KIF13B: variants seen among roughly 807,000 people sequenced by gnomAD.
The protein encoded by KIF13B is kinesin family member 13B.
KIF13B carries 127 observed loss-of-function variants against 222.0 expected under a neutral mutation model. That is an observed-to-expected ratio of 0.57 (90% CI 0.50 to 0.66). KIF13B has a LOEUF of 0.66. KIF13B is among the 30% of genes least tolerant of loss of function. The probability of loss-of-function intolerance (pLI) is 0.00; values close to 1 mark genes in which losing one functional copy is unlikely to be tolerated. For synonymous variants in KIF13B, 976 were observed against 919.0 expected (o/e 1.06, Z -1.12); for missense variants, 2,173 against 2,379.0 (o/e 0.91, Z 1.80).
chr8:29,073,269 C>T (rs1188954569), intron 38 of KIF13B, among the ~76,000 whole-genome samples: 2 of 152,096 alleles, frequency 1.3e-5, no homozygotes, highest in Non-Finnish European at 2.9e-5. Flanking sequence ...GGGGGGGCCT[C>T]GGACCCTGGA....
chr8:29,258,898 G>C (rs1437701034), intron 1 of KIF13B, among the ~76,000 whole-genome samples: 1 of 152,080 alleles, frequency 6.6e-6, no homozygotes, highest in Non-Finnish European at 1.5e-5. Context: ...TTTCCTCACA[G>C]GCATGAACCA....
At chr8:29,082,239 A>T (rs1807845529) in intron 37 of KIF13B, among the ~76,000 whole-genome samples, 1 of 152,046 alleles carries the variant, frequency 6.6e-6, no homozygotes, top group Non-Finnish European at 1.5e-5. Context: ...TTTCCTATCA[A>T]CAAGTAAATT....
At chr8:29,184,939 CTCTTTGTTTTGGAACATTTTTTATTTT>C (rs1812866260) in intron 6 of KIF13B, among the ~76,000 whole-genome samples, 1 of 151,966 alleles carries the variant, frequency 6.6e-6, no homozygotes, top group African/African-American at 2.4e-5. Context: ...ACTCTCTAGC[CTCTTTGTTTTGGAACATTTTTTATTTT>C]TAATTTCTTT....
Position 29,176,160 on chromosome 8 carries a change from G to C in KIF13B, c.853C>G (p.Leu285Val), listed in dbSNP as rs1487684645. 6.2e-7 allele frequency: 1 copy of C among 1,612,636 alleles called. No individual in the cohort carries two copies. Among genetic ancestry groups the C allele is most frequent in the African/African-American group, 1.3e-5 (1 of 74,868 alleles). Residue 285 changes from leucine to valine, a missense_variant, in exon 10 of 40, where the codon CTG becomes GTG. Coordinates refer to ENST00000524189, the MANE Select transcript of KIF13B (RefSeq NM_015254.4). ...NINKSLTTLG[L>V]VISALADQSA... ...TGATCTGCAAGAGCTGAGATAACCAGACCGAGGGTTGTGAGGGACCTGCAT... is the reference window on the plus strand; with the variant it reads ...TGATCTGCAAGAGCTGAGATAACCACACCGAGGGTTGTGAGGGACCTGCAT...
At chr8:29,217,498 T>C (rs1242561072) in intron 2 of KIF13B, among the ~76,000 whole-genome samples, 2 of 152,192 alleles carry the variant, frequency 1.3e-5, no homozygotes, top group Non-Finnish European at 2.9e-5. Context: ...GCTATGAAGA[T>C]TAGAACAGTG....
chr8:29,173,585 G>A (rs1045508974), intron 10 of KIF13B, among the ~76,000 whole-genome samples: 1 of 151,696 alleles, frequency 6.6e-6, no homozygotes, highest in Non-Finnish European at 1.5e-5. Flanking sequence ...CTGCACGACT[G>A]CACTCTAGCC....
rs545634241 is a variant in KIF13B, at chr8:29,154,010, A to G, written c.1535+1716T>C. 1.6e-3 allele frequency among the ~76,000 whole-genome samples: 250 copies of G among 152,348 alleles called. 2 individuals carry two copies. The highest frequency in any genetic ancestry group is 5.7e-3 in the African/African-American group (239 of 41,588). On this transcript the variant is annotated intron_variant, in intron 14 of 39. Transcript: ENST00000524189. ...TCTTTCATGATGCAGGTTTTTACAC[A>G]CTAAAAGTAACTGGATCTTGGCGAG...
chr8:29,236,858 G>A (rs1467045187), intron 2 of KIF13B, among the ~76,000 whole-genome samples: 1 of 152,086 alleles, frequency 6.6e-6, no homozygotes, highest in East Asian at 1.9e-4. Context: ...TCAAATTTGA[G>A]TGTGCAAAAT....
chr8:29,141,459 C>T (rs1810814869), intron 19 of KIF13B, among the ~76,000 whole-genome samples: 1 of 152,066 alleles, frequency 6.6e-6, no homozygotes, highest in African/African-American at 2.4e-5. Flanking sequence ...AAAACATCAC[C>T]TAACTATAAG....
chr8:29,219,657 G>A (rs946448907), intron 2 of KIF13B, among the ~76,000 whole-genome samples: 3 of 152,024 alleles, frequency 2.0e-5, no homozygotes, highest in South Asian at 4.2e-4. Context: ...GGAGGCTGCG[G>A]TGAGAAAATC....
At chr8:29,089,022 T>TA (rs1222000669) in intron 37 of KIF13B, among the ~76,000 whole-genome samples, 1 of 152,182 alleles carries the variant, frequency 6.6e-6, no homozygotes, top group African/African-American at 2.4e-5. Context: ...TCCACCAACC[T>TA]AGGAAAAGAA....
At chr8:29,212,310 C>T (rs752989489) in intron 2 of KIF13B, among the ~76,000 whole-genome samples, 4 of 152,124 alleles carry the variant, frequency 2.6e-5, no homozygotes, top group Non-Finnish European at 4.4e-5. Context: ...TTTACATTCC[C>T]GTCAGCAAGA....
intron 2 of KIF13B, among the ~76,000 whole-genome samples, chr8:29,228,490 T>TATATATATATATATATA (rs1563808304): frequency 7.2e-6 from 1 of 139,190 alleles, no homozygotes; most frequent in Non-Finnish European, 1.6e-5. Context: ...TATATATATA[T>TATATATATATATATATA]GAGATACAGG....
At chr8:29,259,370 T>C (rs1464646000) in intron 1 of KIF13B, among the ~76,000 whole-genome samples, 3 of 152,252 alleles carry the variant, frequency 2.0e-5, no homozygotes, top group Admixed American at 2.0e-4. Context: ...TCTATTTCAC[T>C]GTTTCTATCT....
chr8:29,261,136 A>C (rs17059862), intron 1 of KIF13B, among the ~76,000 whole-genome samples: 12 of 152,144 alleles, frequency 7.9e-5, no homozygotes, highest in Admixed American at 7.9e-4. Flanking sequence ...CTAAGTGAAC[A>C]CAGGAGGTAC....
chr8:29,224,422 G>T (rs748713317), intron 2 of KIF13B, among the ~76,000 whole-genome samples: 1 of 152,146 alleles, frequency 6.6e-6, no homozygotes, highest in Non-Finnish European at 1.5e-5. Flanking sequence ...AACTAACAAG[G>T]TCTAGCATTG....
At chr8:29,098,108 T>C (rs1174308201) in intron 36 of KIF13B, among the ~76,000 whole-genome samples, 2 of 140,942 alleles carry the variant, frequency 1.4e-5, no homozygotes, top group Admixed American at 7.6e-5. Flanking sequence ...GAGGCAAAGG[T>C]TGCAGTGAGC....
chr8:29,207,417 G>C (rs942247050), intron 2 of KIF13B, among the ~76,000 whole-genome samples: 1 of 152,098 alleles, frequency 6.6e-6, no homozygotes, highest in Non-Finnish European at 1.5e-5. Flanking sequence ...CCCTCTCTGT[G>C]ACTGCGAGCT....
At chr8:29,146,072 C>T (rs906648154) in intron 18 of KIF13B, 70 of 554,064 alleles carry the variant, frequency 1.3e-4, no homozygotes, top group Non-Finnish European at 1.6e-4. Flanking sequence ...AAAAGACATT[C>T]GGGGAAGATT....
Sources: gnomAD v4.1 joint callset for allele counts (sites outside exome capture counted in the v4.1 genomes callset) on GRCh38, gnomAD v4.1.1 for gene constraint, MANE v1.5 for transcripts, NCBI Gene and HGNC (gene_info 2026-07-23, HGNC 2026-07-21) for gene names.